The following GPCPD1 variants were observed in gnomAD, a reference collection of about 807,000 sequenced individuals.
The protein encoded by GPCPD1 is glycerophosphocholine phosphodiesterase GPCPD1.
Under a neutral mutation model 89.2 loss-of-function variants are expected in GPCPD1, and 29 were observed. The ratio of observed to expected loss-of-function variants is 0.33; its 90% CI spans 0.24 to 0.44. The LOEUF (loss-of-function observed/expected upper bound fraction) is 0.44. Ranked by LOEUF, GPCPD1 falls within the 20% of genes least tolerant of loss-of-function variation. The probability of loss-of-function intolerance (pLI) is 1.00; values close to 1 mark genes in which losing one functional copy is unlikely to be tolerated. For synonymous variants in GPCPD1, 258 were observed against 266.3 expected (o/e 0.97, Z 0.30); for missense variants, 594 against 808.9 (o/e 0.73, Z 3.22).
Position 5,560,002 on chromosome 20 carries a change from A to G in GPCPD1, c.1470T>C (p.Val490=). The change falls in exon 17 of 20, where the codon GTT becomes GTC. Residue 490 remains valine, a synonymous_variant. Transcript: ENST00000379019. ...TTCTCCTCTTCCCAGAATTTTCTAAAACAGTTTTTAAAATTATATCCAAAA... is the reference window on the plus strand; with the variant it reads ...TTCTCCTCTTCCCAGAATTTTCTAAGACAGTTTTTAAAATTATATCCAAAA... ...NLFLDIILKT[V]LENSGKRRIV... is the part of the protein sequence containing the mutation. The G allele has an allele frequency of 6.3e-7, 1 of 1,575,876 alleles. No homozygotes were observed. The highest frequency in any genetic ancestry group is 8.7e-7 in the Non-Finnish European group (1 of 1,153,206).
intron 8 of GPCPD1, among the ~76,000 whole-genome samples, chr20:5,576,581 A>C (rs1469205415): frequency 6.6e-6 from 1 of 152,188 alleles, no homozygotes. Flanking sequence ...TTCTTTGTAC[A>C]TTTTAAAATA....
intron 19 of GPCPD1, 78 bp downstream of exon 19, chr20:5,557,867 T>G: frequency 1.3e-6 from 1 of 794,016 alleles, no homozygotes; most frequent in Non-Finnish European, 2.0e-6. Context: ...CTTAACTAAG[T>G]TTAATTTTAT....
At chr20:5,554,175 G>A (rs941508998) in intron 19 of GPCPD1, among the ~76,000 whole-genome samples, 3 of 97,544 alleles carry the variant, frequency 3.1e-5, no homozygotes, top group Admixed American at 9.4e-5. Context: ...TAGTAGAGAC[G>A]GGTTTTCACC....
rs764533855 is a variant in GPCPD1 at position 5,593,372 on chromosome 20, T to A, written c.186A>T (p.Val62=). Residue 62 remains valine (V), a synonymous_variant, in exon 4 of 20, where the codon GTA becomes GTT. Coordinates refer to ENST00000379019, the MANE Select transcript of GPCPD1 (RefSeq NM_019593.5). ...WKATIVLSRG[V]SVQYRYFKGY... is the part of the protein sequence containing the mutation. ...CTTTGAAGTAGCGATACTGAACTGA[T>A]ACTCCTCTACTGAGTACAATGGTTG... 6.3e-7 allele frequency: 1 copy of A among 1,599,132 alleles called. No individual in the cohort carries two copies. The highest frequency in any genetic ancestry group is 8.6e-7 in the Non-Finnish European group (1 of 1,166,836).
chr20:5,562,631 A>C (rs1463529789), intron 15 of GPCPD1, among the ~76,000 whole-genome samples: 2 of 152,310 alleles, frequency 1.3e-5, no homozygotes, highest in East Asian at 3.9e-4. Context: ...CATGTATAGC[A>C]CATATGGTAT....
intron 6 of GPCPD1, among the ~76,000 whole-genome samples, chr20:5,580,657 C>T (rs1175329338): frequency 6.8e-6 from 1 of 146,984 alleles, no homozygotes; most frequent in Non-Finnish European, 1.5e-5. Context: ...ACCCAGGAGG[C>T]AGAGCTTGCA....
rs201920650 is a variant in GPCPD1 at position 5,575,376 on chromosome 20, A to G, written c.1001+37T>C. ...AGTGTAACTCTACCGAACATAAGCT[A>G]CACCAAATGCTAATCCTACTCAAAT... On this transcript the variant is annotated intron_variant, in intron 10 of 19. Coordinates refer to ENST00000379019, the MANE Select transcript of GPCPD1 (RefSeq NM_019593.5). The G allele has an allele frequency of 2.5e-5, 37 of 1,505,700 alleles. 1 individual carries two copies. The South Asian group carries it at 3.7e-4, about 15-fold the overall frequency. The allele number at this position is 1,505,700 out of a possible 1,614,324, so 93.3% of individuals were successfully genotyped here.
chr20:5,573,743 C>CA (rs1377268066), intron 11 of GPCPD1, among the ~76,000 whole-genome samples, 172 bp downstream of exon 11: 10 of 150,322 alleles, frequency 6.7e-5, no homozygotes, highest in Middle Eastern at 3.4e-3. Context: ...GACCCTGTCT[C>CA]AAAAAAAAAG....
chr20:5,602,080 T>C (rs1343588576), intron 2 of GPCPD1, among the ~76,000 whole-genome samples: 3 of 152,226 alleles, frequency 2.0e-5, no homozygotes, highest in Non-Finnish European at 4.4e-5. Context: ...TGCACTACCA[T>C]TCTCGCCACA....
chr20:5,595,923 C>T (rs757373416), intron 3 of GPCPD1, among the ~76,000 whole-genome samples: 9 of 152,044 alleles, frequency 5.9e-5, no homozygotes, highest in African/African-American at 2.2e-4. Context: ...AACGTGCTGC[C>T]GCCTCTCCCT....
At chr20:5,555,402 G>T (rs1600714905) in intron 19 of GPCPD1, among the ~76,000 whole-genome samples, 1 of 152,312 alleles carries the variant, frequency 6.6e-6, no homozygotes, top group African/African-American at 2.4e-5. Context: ...AGCTGGATGT[G>T]GTTGTGCATG....
intron 2 of GPCPD1, among the ~76,000 whole-genome samples, chr20:5,601,666 G>A (rs1980164059): frequency 6.6e-6 from 1 of 151,906 alleles, no homozygotes. Flanking sequence ...ACCATGCCCA[G>A]CCAACCCTGT....
At chr20:5,603,420 G>A (rs1454426940) in intron 2 of GPCPD1, among the ~76,000 whole-genome samples, 2 of 152,176 alleles carry the variant, frequency 1.3e-5, no homozygotes, top group Non-Finnish European at 1.5e-5. Context: ...TGGGGACAGG[G>A]GAGAGAAGAG....
At chr20:5,552,292 TAC>T (rs1600710114) in intron 19 of GPCPD1, among the ~76,000 whole-genome samples, 1 of 152,304 alleles carries the variant, frequency 6.6e-6, no homozygotes, top group East Asian at 1.9e-4. Flanking sequence ...TGCCCTGATT[TAC>T]ACTCTTGCCT....
chr20:5,604,027 A>AT (rs1249894639), intron 2 of GPCPD1, among the ~76,000 whole-genome samples: 1 of 152,166 alleles, frequency 6.6e-6, no homozygotes, highest in East Asian at 1.9e-4. Flanking sequence ...GATTACAGGC[A>AT]TAAGCCACTG....
chr20:5,591,546 T>C (rs948593176), intron 4 of GPCPD1, among the ~76,000 whole-genome samples: 2 of 152,210 alleles, frequency 1.3e-5, no homozygotes, highest in African/African-American at 4.8e-5. Context: ...CATTTCAGCT[T>C]TTTAATGCTT....
At chr20:5,571,908 C>CAA (rs34332278) in intron 11 of GPCPD1, among the ~76,000 whole-genome samples, 1 of 125,830 alleles carries the variant, frequency 7.9e-6, no homozygotes, top group African/African-American at 3.0e-5. Flanking sequence ...AACTCCATCT[C>CAA]AAAAAAAAAA....
At chr20:5,597,190 G>A (rs1234361250) in intron 3 of GPCPD1, among the ~76,000 whole-genome samples, 4 of 152,198 alleles carry the variant, frequency 2.6e-5, no homozygotes, top group Non-Finnish European at 4.4e-5. Flanking sequence ...AGAATTGGCT[G>A]AGAAAATATG....
Position 5,547,555 on chromosome 20 carries a change from TTGAAC to T in GPCPD1, c.*101_*105del, listed in dbSNP as rs1320396761. ...AGTTAAATACTTCATTATTGCTTCATTGAACTGAGAAGCCCAAAAGGCATAGATCA... is the reference window on the plus strand; with the variant it reads ...AGTTAAATACTTCATTATTGCTTCATTGAGAAGCCCAAAAGGCATAGATCA... On this transcript the variant is annotated 3_prime_UTR_variant, in exon 20 of 20. Transcript: ENST00000379019. 2 of 578,556 alleles carry T rather than the reference TTGAAC, an allele frequency of 3.5e-6. No individual in the cohort carries two copies. Among genetic ancestry groups the T allele is most frequent in the African/African-American group, 3.7e-5 (2 of 54,188 alleles). 35.8% of individuals were successfully genotyped at this position (578,556 alleles called of 1,614,324 possible).
Sources: gnomAD v4.1 joint callset for allele counts (sites outside exome capture counted in the v4.1 genomes callset) on GRCh38, gnomAD v4.1.1 for gene constraint, MANE v1.5 for transcripts, NCBI Gene and HGNC (gene_info 2026-07-23, HGNC 2026-07-21) for gene names.